Variants in DNM1L observed in about 807,000 individuals in gnomAD.
DNM1L encodes the protein dynamin-1-like protein.
Under a neutral mutation model 92.8 loss-of-function variants are expected in DNM1L, and 33 were observed. The observed-to-expected ratio is 0.36, with a 90% CI of 0.27 to 0.48. The LOEUF (loss-of-function observed/expected upper bound fraction) is 0.48, where lower values mean the gene tolerates loss of function less well. Ranked by LOEUF, DNM1L falls within the 20% of genes least tolerant of loss-of-function variation. The pLI is 0.99. For missense variants in DNM1L, 485 were observed against 888.8 expected, an observed-to-expected ratio of 0.55 and a Z score of 5.78; for synonymous variants, 284 against 305.0, an observed-to-expected ratio of 0.93 and a Z score of 0.72.
chr12:32,722,350 T>C (rs1953848606), intron 8 of DNM1L, 77 bp from the exon 9 acceptor site: 2 of 1,146,646 alleles, frequency 1.7e-6, no homozygotes, highest in African/African-American at 1.5e-5. Flanking sequence ...GTTTTCCCCA[T>C]TGTAAAAATT....
chr12:32,737,288 G>T, intron 14 of DNM1L, 127 bp downstream of exon 14: 1 of 894,026 alleles, frequency 1.1e-6, no homozygotes, highest in Non-Finnish European at 1.8e-6. Flanking sequence ...GGAACTAACT[G>T]AGTAAAGGCA....
At position 32,726,012 on chromosome 12, in the gene DNM1L, A is replaced by T. The variant is rs150565516; in HGVS notation, c.1079+3379A>T. Among the ~76,000 whole-genome samples the T allele has an allele frequency of 3.2e-3, 489 of 151,780 alleles. 4 individuals are homozygous for T. The highest frequency in any genetic ancestry group is 0.011 in the African/African-American group (455 of 41,388). On this transcript the variant is annotated intron_variant, in intron 9 of 19. Transcript: ENST00000549701. ...AGCTAATCCAAGCAGACTTAACCCT[A>T]TTCAACAAACAGCTGAAAAAATACT... is the stretch of plus-strand genomic sequence containing the variant.
chr12:32,682,613 A>G (rs1951854212), intron 1 of DNM1L, among the ~76,000 whole-genome samples: 1 of 152,150 alleles, frequency 6.6e-6, no homozygotes, highest in African/African-American at 2.4e-5. Context: ...AAGCAGGAAA[A>G]TTAGGGGAGG....
chr12:32,727,854 G>T (rs1038327152), intron 9 of DNM1L, among the ~76,000 whole-genome samples: 1 of 152,008 alleles, frequency 6.6e-6, no homozygotes, highest in African/African-American at 2.4e-5. Flanking sequence ...CTGTCTTTGG[G>T]GCTTTGTGTC....
chr12:32,729,554 A>G (rs1954404480), intron 9 of DNM1L, among the ~76,000 whole-genome samples: 1 of 152,100 alleles, frequency 6.6e-6, no homozygotes, highest in Non-Finnish European at 1.5e-5. Flanking sequence ...GGTTCAAGCA[A>G]TCATCCTGCC....
At chr12:32,692,928 T>A (rs1952289423) in intron 1 of DNM1L, 2 of 152,244 alleles carry the variant, frequency 1.3e-5, no homozygotes, top group Non-Finnish European at 2.9e-5. Flanking sequence ...TGCTATATAA[T>A]GGTCCATTAT....
At chr12:32,718,012 AGT>A (rs1953607775) in intron 6 of DNM1L, among the ~76,000 whole-genome samples, 1 of 123,412 alleles carries the variant, frequency 8.1e-6, no homozygotes, top group African/African-American at 3.2e-5. Context: ...TAATATATAT[AGT>A]ATATATATTA....
chr12:32,734,681 G>A (rs938825281), intron 13 of DNM1L, among the ~76,000 whole-genome samples: 5 of 152,136 alleles, frequency 3.3e-5, no homozygotes, highest in African/African-American at 1.2e-4. Context: ...GGTGGCAGGT[G>A]CCTGTAATCT....
intron 9 of DNM1L, chr12:32,726,648 G>A (rs1290913811): frequency 1.3e-6 from 1 of 776,418 alleles, no homozygotes; most frequent in Admixed American, 2.3e-5. Flanking sequence ...TTCAGGAGGG[G>A]CAAGAAAATT....
At chr12:32,706,812 C>T (rs1952945698) in intron 2 of DNM1L, 1 of 403,006 alleles carries the variant, frequency 2.5e-6, no homozygotes, top group African/African-American at 2.1e-5. Flanking sequence ...TGTGGCTCTA[C>T]AGGTAACCAA....
Position 32,724,230 on chromosome 12 carries a change from G to GA in DNM1L, c.1079+1604dup, listed in dbSNP as rs1953954522. ...GTATTTACTACTATGCAGTCATACA[G>GA]AAAAAAATTGTTGGACCTTGTGAAA... On this transcript the variant is annotated intron_variant, in intron 9 of 19. Coordinates refer to ENST00000549701, the MANE Select transcript of DNM1L (RefSeq NM_012062.5). 2.0e-5 allele frequency among the ~76,000 whole-genome samples: 3 copies of GA among 152,030 alleles called. No individual in the cohort carries two copies. In the South Asian group the frequency reaches 6.2e-4, roughly 32 times the overall value.
intron 1 of DNM1L, among the ~76,000 whole-genome samples, chr12:32,687,781 G>T (rs1230884954): frequency 1.3e-5 from 2 of 151,728 alleles, no homozygotes; most frequent in Non-Finnish European, 2.9e-5. Context: ...GTTTATTTCT[G>T]GATTCTCAGT....
At chr12:32,738,380 TTG>T (rs1955049823) in intron 16 of DNM1L, 84 bp downstream of exon 16, 28 of 1,422,688 alleles carry the variant, frequency 2.0e-5, no homozygotes, top group Non-Finnish European at 2.6e-5. Context: ...AAGAACCTGT[TTG>T]TGTAGTGGTA....
intron 9 of DNM1L, 69 bp downstream of exon 9, chr12:32,722,702 G>T: frequency 8.5e-7 from 1 of 1,173,580 alleles, no homozygotes; most frequent in South Asian, 1.3e-5. Flanking sequence ...TTGTGAAGAT[G>T]ACTTCAGCTC....
chr12:32,695,980 C>A (rs972970090), intron 1 of DNM1L, among the ~76,000 whole-genome samples: 2 of 152,074 alleles, frequency 1.3e-5, no homozygotes, highest in Non-Finnish European at 2.9e-5. Flanking sequence ...GAAAATCCAA[C>A]ATATGTATAT....
chr12:32,735,112 C>T (rs973666819), intron 13 of DNM1L, among the ~76,000 whole-genome samples: 1 of 152,070 alleles, frequency 6.6e-6, no homozygotes, highest in African/African-American at 2.4e-5. Context: ...CTTGTGTTTG[C>T]GGTAGTTCTG....
intron 1 of DNM1L, among the ~76,000 whole-genome samples, chr12:32,683,647 T>C (rs1951889000): frequency 6.6e-6 from 1 of 151,988 alleles, no homozygotes; most frequent in African/African-American, 2.4e-5. Flanking sequence ...CGAGTTCAAG[T>C]GATTCTCCTG....
At chr12:32,722,803 T>A in intron 9 of DNM1L, 170 bp downstream of exon 9, 1 of 521,906 alleles carries the variant, frequency 1.9e-6, no homozygotes, top group Non-Finnish European at 3.4e-6. Context: ...AAAATATGCT[T>A]TGTAAATGAT....
chr12:32,708,980 C>T (rs1030535461), intron 4 of DNM1L, among the ~76,000 whole-genome samples: 1 of 152,124 alleles, frequency 6.6e-6, no homozygotes, highest in Non-Finnish European at 1.5e-5. Context: ...CACAAGTGGG[C>T]CCTAGCCTAG....
Sources: gnomAD v4.1 joint callset for allele counts (sites outside exome capture counted in the v4.1 genomes callset) on GRCh38, gnomAD v4.1.1 for gene constraint, MANE v1.5 for transcripts, NCBI Gene and HGNC (gene_info 2026-07-23, HGNC 2026-07-21) for gene names.